Variants in TANC2 observed in about 807,000 individuals in gnomAD.
TANC2 encodes tetratricopeptide repeat, ankyrin repeat and coiled-coil containing 2.
In TANC2, 26 loss-of-function variants were observed where a neutral mutation model predicts 210.5. The observed-to-expected ratio is 0.12, with a 90% confidence interval of 0.09 to 0.17. The LOEUF is 0.17. Among genes scored for constraint, TANC2 ranks in the 10% least tolerant of loss-of-function variants. The pLI, the probability that TANC2 is intolerant of heterozygous loss-of-function variation, is 1.00. For missense variants in TANC2, 2,129 were observed against 2,608.9 expected (o/e 0.82, Z 4.01); for synonymous variants, 931 against 967.1 (o/e 0.96, Z 0.69).
chr17:62,985,392 TA>T (rs2032519116), intron 1 of TANC2, among the ~76,000 whole-genome samples: 1 of 152,200 alleles, frequency 6.6e-6, no homozygotes, highest in Admixed American at 6.5e-5. Context: ...TTGAGCCTCC[TA>T]GATCTTGATG....
intron 8 of TANC2, among the ~76,000 whole-genome samples, chr17:63,265,248 G>T (rs554206812): frequency 1.3e-5 from 2 of 152,178 alleles, no homozygotes; most frequent in Admixed American, 1.3e-4. Context: ...TCAGATTTTT[G>T]GATTATGAAT....
intron 2 of TANC2, among the ~76,000 whole-genome samples, chr17:63,061,929 T>A (rs1204146119): frequency 6.6e-6 from 1 of 152,184 alleles, no homozygotes; most frequent in Non-Finnish European, 1.5e-5. Context: ...ATTTTATTTA[T>A]AATTCTTTTC....
rs114144026 is a variant in TANC2, at chr17:63,059,785, T to C, written c.68-14158T>C. 3.5e-3 allele frequency among the ~76,000 whole-genome samples: 532 copies of C among 152,294 alleles called. 4 individuals are homozygous for C. The highest frequency in any genetic ancestry group is 0.013 in the African/African-American group (520 of 41,554). On this transcript the variant is annotated intron_variant, in intron 2 of 27. Coordinates refer to ENST00000689528, the Ensembl canonical transcript of TANC2. ...GACATGACCATAATTGAGAATAGTCTTGATAGTTTCCTTACTATTGGGGAT... is the reference window on the plus strand; with the variant it reads ...GACATGACCATAATTGAGAATAGTCCTGATAGTTTCCTTACTATTGGGGAT...
chr17:63,336,225 G>A (rs897609823), intron 11 of TANC2, among the ~76,000 whole-genome samples: 4 of 152,244 alleles, frequency 2.6e-5, no homozygotes, highest in African/African-American at 7.2e-5. Flanking sequence ...CACAGAAGGA[G>A]TAATGAAAAG....
At chr17:63,279,037 T>C (rs1310866766) in intron 9 of TANC2, among the ~76,000 whole-genome samples, 1 of 152,142 alleles carries the variant, frequency 6.6e-6, no homozygotes, top group Non-Finnish European at 1.5e-5. Flanking sequence ...ATTGTGCTTA[T>C]AGTTAGCCAT....
chr17:63,026,932 T>G (rs2034577933), intron 2 of TANC2, among the ~76,000 whole-genome samples: 1 of 152,148 alleles, frequency 6.6e-6, no homozygotes, highest in African/African-American at 2.4e-5. Flanking sequence ...GCTGCATCCC[T>G]CCATGTTGGT....
intron 1 of TANC2, among the ~76,000 whole-genome samples, chr17:62,989,340 T>G (rs2032736906): frequency 6.6e-6 from 1 of 152,264 alleles, no homozygotes; most frequent in Admixed American, 6.5e-5. Flanking sequence ...CCATCTGTAT[T>G]CATGCAGTAG....
At chr17:63,376,913 G>A (rs1418891537) in intron 14 of TANC2, among the ~76,000 whole-genome samples, 4 of 151,186 alleles carry the variant, frequency 2.6e-5, no homozygotes, top group Non-Finnish European at 5.9e-5. Context: ...CGCCTCCCAG[G>A]TTCATGCCAT....
chr17:63,187,435 A>T lies in TANC2; in HGVS notation c.434-6556A>T, dbSNP rs190616047. On this transcript the variant is annotated intron_variant, in intron 5 of 27. Transcript: ENST00000689528. ...GCATGTGCAATTAACTAGACTACAG[A>T]CCTTACTCAGATTTGGTTAATGGTA... Among the ~76,000 whole-genome samples the T allele has an allele frequency of 5.9e-5, 9 of 152,262 alleles. No individual in the cohort carries two copies. The East Asian group carries it at 1.7e-3, about 29-fold the overall frequency.
At chr17:63,038,385 G>T (rs753516916) in intron 2 of TANC2, among the ~76,000 whole-genome samples, 1 of 152,038 alleles carries the variant, frequency 6.6e-6, no homozygotes, top group Non-Finnish European at 1.5e-5. Flanking sequence ...CTCATAGTTT[G>T]TTGTTCTTTT....
rs565814807 is a variant in TANC2 at position 63,072,797 on chromosome 17, A to G, written c.68-1146A>G. On this transcript the variant is annotated intron_variant, in intron 2 of 27. Transcript: ENST00000689528. Reference sequence around the variant, plus strand: ...TTTAACAGCCCTCTACAAAATAGAGAATAGTTGATATATATACATGAATTG... The same window carrying G: ...TTTAACAGCCCTCTACAAAATAGAGGATAGTTGATATATATACATGAATTG... Among the ~76,000 whole-genome samples the G allele has an allele frequency of 4.0e-3, 616 of 152,250 alleles. 5 individuals are homozygous for G. The highest frequency in any genetic ancestry group is 0.014 in the African/African-American group (597 of 41,576).
intron 25 of TANC2, 112 bp from the exon 26 acceptor site, chr17:63,415,416 G>A (rs1050187155): frequency 2.2e-6 from 3 of 1,393,318 alleles, no homozygotes; most frequent in African/African-American, 2.9e-5. Context: ...CTGGCGTTTG[G>A]GAGGGTTAGC....
intron 4 of TANC2, among the ~76,000 whole-genome samples, chr17:63,119,302 A>C (rs1315168396): frequency 6.6e-6 from 1 of 152,226 alleles, no homozygotes; most frequent in Admixed American, 6.5e-5. Context: ...AATTTACACA[A>C]TTAGCAAAAG....
At chr17:63,294,078 C>T (rs143794360) in intron 9 of TANC2, among the ~76,000 whole-genome samples, 331 of 152,286 alleles carry the variant, frequency 2.2e-3, no homozygotes, top group Non-Finnish European at 3.8e-3. Context: ...TATTGATGAT[C>T]TCACAGAAAC....
At chr17:63,252,531 CCCCACCCCAGCGA>C (rs991088791) in intron 8 of TANC2, among the ~76,000 whole-genome samples, 6 of 151,838 alleles carry the variant, frequency 4.0e-5, no homozygotes, top group African/African-American at 1.5e-4. Context: ...TCCCCACTAC[CCCCACCCCAGCGA>C]CCCTTCCCAG....
At chr17:63,001,413 G>A (rs182539006) in intron 1 of TANC2, among the ~76,000 whole-genome samples, 1 of 152,040 alleles carries the variant, frequency 6.6e-6, no homozygotes, top group East Asian at 1.9e-4. Flanking sequence ...CTGATGAATT[G>A]TGTCTTTGCT....
At chr17:63,396,650 A>C (rs2048168789) in intron 18 of TANC2, 1 of 152,190 alleles carries the variant, frequency 6.6e-6, no homozygotes, top group Non-Finnish European at 1.5e-5. Flanking sequence ...TAAGAAGAAC[A>C]AAATCATGTC....
In TANC2 at chr17:63,274,285, C is replaced by T. The variant is rs1338195788; in HGVS notation, c.1159+6412C>T. ...ACAAAAATTGATATTTCCAGAAACCCGGCCCAACGGGGGAGAGGTCATGTG... is the reference window on the plus strand; with the variant it reads ...ACAAAAATTGATATTTCCAGAAACCTGGCCCAACGGGGGAGAGGTCATGTG... On this transcript the variant is annotated intron_variant, in intron 9 of 27. Coordinates refer to ENST00000689528, the Ensembl canonical transcript of TANC2. Among the ~76,000 whole-genome samples the T allele has an allele frequency of 3.3e-5, 5 of 152,030 alleles. No individual in the cohort carries two copies. In the South Asian group the frequency reaches 1.0e-3, roughly 32 times the overall value.
intron 2 of TANC2, among the ~76,000 whole-genome samples, chr17:63,065,074 C>A (rs2036148676): frequency 6.6e-6 from 1 of 152,172 alleles, no homozygotes; most frequent in African/African-American, 2.4e-5. Context: ...AAGCCCCTAA[C>A]AACCACCATT....
Sources: allele counts gnomAD v4.1 joint callset (sites outside exome capture counted in the v4.1 genomes callset), GRCh38; gene constraint gnomAD v4.1.1; transcripts MANE v1.5; gene names NCBI Gene and HGNC (gene_info 2026-07-23, HGNC 2026-07-21).